Variants in NXPE2 observed in about 807,000 individuals in gnomAD.
NXPE2 encodes neurexophilin and PC-esterase domain family member 2, also known as NXPE family member 2.
NXPE2 carries 34 observed loss-of-function variants against 34.4 expected under a neutral mutation model. The observed-to-expected ratio is 0.99, with a 90% confidence interval of 0.75 to 1.31. NXPE2 has a LOEUF of 1.31. Ranked by LOEUF, NXPE2 falls within the 40% of genes most tolerant of loss-of-function variation. NXPE2 has a pLI of 0.00. For missense variants in NXPE2, 649 were observed against 672.5 expected, an observed-to-expected ratio of 0.97 and a Z score of 0.39; for synonymous variants, 235 against 231.3, an observed-to-expected ratio of 1.02 and a Z score of -0.15.
chr11:114,749,084 C>A, the NXPE2 span, among the ~76,000 whole-genome samples: 1 of 152,162 alleles, frequency 6.6e-6, no homozygotes, highest in South Asian at 2.1e-4. Context: ...GTTGCCTCAG[C>A]ACTGGAATCT....
chr11:114,503,361 C>T, the NXPE2 span, among the ~76,000 whole-genome samples: 1 of 151,988 alleles, frequency 6.6e-6, no homozygotes, highest in Admixed American at 6.5e-5. Context: ...TAAAAGGAAC[C>T]TAGAAGAGAC....
chr11:114,709,245 C>T (rs1286414122), downstream of NXPE2, among the ~76,000 whole-genome samples: 1 of 152,172 alleles, frequency 6.6e-6, no homozygotes, highest in African/African-American at 2.4e-5. Context: ...TTGCATTCTT[C>T]TCTAGAAAGT....
the NXPE2 span, chr11:114,580,021 G>A: frequency 3.2e-6 from 3 of 935,560 alleles, no homozygotes; most frequent in Non-Finnish European, 5.0e-6. Context: ...TTGGTGTGTT[G>A]TGATTGAAGA....
chr11:114,786,777 T>C, the NXPE2 span, among the ~76,000 whole-genome samples: 15 of 151,862 alleles, frequency 9.9e-5, no homozygotes, highest in African/African-American at 3.6e-4. Context: ...CACATCCAGC[T>C]GCCCCACACA....
chr11:114,574,049 C>A, the NXPE2 span, among the ~76,000 whole-genome samples: 2 of 152,068 alleles, frequency 1.3e-5, no homozygotes, highest in African/African-American at 4.8e-5. Context: ...GAAATCAGCT[C>A]CAAAAGGAAC....
chr11:114,488,476 A>G, the NXPE2 span, among the ~76,000 whole-genome samples: 3 of 152,200 alleles, frequency 2.0e-5, no homozygotes, highest in Non-Finnish European at 2.9e-5. Context: ...CTCCTCAGCA[A>G]ATGTAAAAGA....
At chr11:114,573,993 C>G in the NXPE2 span, among the ~76,000 whole-genome samples, 3 of 151,836 alleles carry the variant, frequency 2.0e-5, no homozygotes, top group Non-Finnish European at 4.4e-5. Flanking sequence ...TTAAGAAAAT[C>G]AAAATTATAT....
At position 114,706,751 on chromosome 11, in the gene NXPE2, A is replaced by T; in HGVS notation, c.1501A>T (p.Met501Leu). 1 of 1,552,374 alleles carries T rather than the reference A, an allele frequency of 6.4e-7. No homozygotes were observed. Among genetic ancestry groups the T allele is most frequent in the Non-Finnish European group, 8.7e-7 (1 of 1,147,074 alleles). Reference sequence around the variant, plus strand: ...CAGAGAGATAGAACAAAATGCAGAGATGTTCAGTGACTTTCATGGCTATAT... The same window carrying T: ...CAGAGAGATAGAACAAAATGCAGAGTTGTTCAGTGACTTTCATGGCTATAT... The part of the protein sequence containing the change: ...NTREIEQNAE[M>L]FSDFHGYIQN... Residue 501 changes from methionine to leucine, a missense_variant, in exon 6 of 6, where the codon ATG becomes TTG. Transcript: ENST00000389586.
the NXPE2 span, among the ~76,000 whole-genome samples, chr11:114,616,149 G>A: frequency 2.0e-5 from 3 of 151,452 alleles, no homozygotes; most frequent in Non-Finnish European, 4.4e-5. Flanking sequence ...GTATTGCCTC[G>A]TGGGTAACCA....
the NXPE2 span, among the ~76,000 whole-genome samples, chr11:114,470,219 A>G: frequency 6.6e-6 from 1 of 152,168 alleles, no homozygotes; most frequent in Non-Finnish European, 1.5e-5. Context: ...CTACGAATGG[A>G]ATGGCTGGGT....
the NXPE2 span, among the ~76,000 whole-genome samples, chr11:114,800,052 T>C: frequency 4.6e-5 from 7 of 152,214 alleles, no homozygotes; most frequent in Non-Finnish European, 8.8e-5. Context: ...CTTCCGGCTA[T>C]TTGGATCCAA....
chr11:114,644,451 G>A, the NXPE2 span, among the ~76,000 whole-genome samples: 1 of 152,100 alleles, frequency 6.6e-6, no homozygotes, highest in Non-Finnish European at 1.5e-5. Context: ...TTTATTGAGA[G>A]TTTTTAGCAT....
the NXPE2 span, among the ~76,000 whole-genome samples, chr11:114,477,741 T>G: frequency 6.6e-6 from 1 of 151,552 alleles, no homozygotes; most frequent in Non-Finnish European, 1.5e-5. Context: ...TTATATAAAA[T>G]TCTAGAACAT....
chr11:114,600,367 A>G, the NXPE2 span, among the ~76,000 whole-genome samples: 1 of 152,148 alleles, frequency 6.6e-6, no homozygotes, highest in Non-Finnish European at 1.5e-5. Context: ...AAATAGTTAT[A>G]CATGAAATGA....
intron 2 of NXPE2, among the ~76,000 whole-genome samples, chr11:114,692,165 A>T (rs550959562): frequency 6.6e-6 from 1 of 152,348 alleles, no homozygotes; most frequent in South Asian, 2.1e-4. Flanking sequence ...TGTGGTCACC[A>T]CTGCCAAGTG....
the NXPE2 span, among the ~76,000 whole-genome samples, chr11:114,603,195 C>T: frequency 4.7e-5 from 7 of 147,978 alleles, no homozygotes; most frequent in South Asian, 2.2e-4. Context: ...AGTATTGCCT[C>T]GTCTCCTAGG....
the NXPE2 span, among the ~76,000 whole-genome samples, chr11:114,665,376 C>T: frequency 4.6e-5 from 7 of 152,194 alleles, no homozygotes; most frequent in South Asian, 1.2e-3. Context: ...CTGAACTTGT[C>T]CAAAGTTTTA....
the NXPE2 span, among the ~76,000 whole-genome samples, chr11:114,575,403 T>G: frequency 3.3e-5 from 5 of 152,106 alleles, no homozygotes; most frequent in Non-Finnish European, 7.4e-5. Context: ...AGTCAAACTG[T>G]TGCTGTGGCT....
chr11:114,781,215 C>T, the NXPE2 span, among the ~76,000 whole-genome samples: 1 of 152,170 alleles, frequency 6.6e-6, no homozygotes, highest in South Asian at 2.1e-4. Context: ...GCACTAGCTT[C>T]CCCTACCTCC....
Sources: gnomAD v4.1 joint callset for allele counts (sites outside exome capture counted in the v4.1 genomes callset) on GRCh38, gnomAD v4.1.1 for gene constraint, MANE v1.5 for transcripts, NCBI Gene and HGNC (gene_info 2026-07-23, HGNC 2026-07-21) for gene names.